The following MUS81 variants were observed in gnomAD, a reference collection of about 807,000 sequenced individuals.
MUS81 encodes structure-specific endonuclease subunit MUS81.
In MUS81, 69 loss-of-function variants were observed where a neutral mutation model predicts 74.2. The observed-to-expected ratio is 0.93, with a 90% CI of 0.77 to 1.14. The LOEUF (loss-of-function observed/expected upper bound fraction) is 1.14, where lower values mean the gene tolerates loss of function less well. MUS81 is among the 50% of genes most tolerant of loss of function. MUS81 has a pLI of 0.00. For missense variants in MUS81, 711 were observed against 726.5 expected (o/e 0.98, Z 0.25); for synonymous variants, 303 against 300.6 (o/e 1.01, Z -0.08).
At chr11:65,867,050 G>A, downstream of MUS81, 4 of 1,614,174 alleles carry the variant, frequency 2.5e-6, no homozygotes, top group Non-Finnish European at 3.4e-6. Context: ...GCCGGGCGAG[G>A]ACCAGCATGG....
chr11:65,859,784 G>C (rs549919223), upstream of MUS81, among the ~76,000 whole-genome samples: 1 of 152,332 alleles, frequency 6.6e-6, no homozygotes, highest in Non-Finnish European at 1.5e-5. Flanking sequence ...AGGCTTCTCA[G>C]GTTGAAGCCC....
Position 65,860,987 on chromosome 11 carries a change from C to A in MUS81, c.150C>A (p.Leu50=). ...TGCCCGGCCAGGCGCTGCGTTCCCT[C>A]CGACGGTACCCACTGCCGCTGCGCA... ...RFVFQKALRS[L]RRYPLPLRSG... is the part of the protein sequence containing the mutation. Residue 50 remains leucine (L), a synonymous_variant, in exon 2 of 16, where the codon CTC becomes CTA. Coordinates refer to ENST00000308110, the MANE Select transcript of MUS81 (RefSeq NM_025128.5). 1 of 1,612,136 alleles carries A rather than the reference C, an allele frequency of 6.2e-7. No individual in the cohort carries two copies. The highest frequency in any genetic ancestry group is 1.3e-5 in the African/African-American group (1 of 75,070).
intron 3 of MUS81, 94 bp downstream of exon 3, chr11:65,861,529 C>T (rs1476805124): frequency 2.0e-6 from 2 of 1,020,732 alleles, no homozygotes; most frequent in Admixed American, 2.3e-5. Context: ...GTCCAAATCT[C>T]ACCAGTGATG....
At position 65,860,666 on chromosome 11, in the gene MUS81, CT is replaced by C; in HGVS notation, c.-87del. 6.6e-7 allele frequency: 1 copy of C among 1,521,218 alleles called. No individual in the cohort carries two copies. The allele number at this position is 1,521,218 out of a possible 1,614,324, so 94.2% of individuals were successfully genotyped here. A position where few individuals can be genotyped will look rare whatever the true frequency, so the allele number is the denominator to read the frequency against. On this transcript the variant is annotated 5_prime_UTR_variant, in exon 1 of 16. Coordinates refer to ENST00000308110, the MANE Select transcript of MUS81 (RefSeq NM_025128.5). Reference sequence around the variant, plus strand: ...GGTCTCCCTCTTCCCCCGCCCCGCCCTGGGCCAGGTGTTCGAATCCCGACTC... The same window carrying C: ...GGTCTCCCTCTTCCCCCGCCCCGCCCGGGCCAGGTGTTCGAATCCCGACTC...
intron 10 of MUS81, 30 bp from the exon 11 acceptor site, chr11:65,864,467 C>T (rs1262408085): frequency 3.1e-6 from 5 of 1,591,270 alleles, no homozygotes; most frequent in Non-Finnish European, 4.3e-6. Flanking sequence ...CCAGCCTGAC[C>T]CTCCCTGTCC....
chr11:65,861,279 T>G (rs1211271264), intron 2 of MUS81, 71 bp from the exon 3 acceptor site: 8 of 1,528,066 alleles, frequency 5.2e-6, no homozygotes, highest in Non-Finnish European at 5.3e-6. Flanking sequence ...ACCATCTGAG[T>G]AGGTTGCATC....
intron 6 of MUS81, 51 bp from the exon 7 acceptor site, chr11:65,863,014 G>T (rs2298448): frequency 6.2e-7 from 1 of 1,612,164 alleles, no homozygotes; most frequent in Non-Finnish European, 8.5e-7. Flanking sequence ...AGGAAAGCCT[G>T]CCAGGAATGA....
chr11:65,861,227 A>T, intron 2 of MUS81, 123 bp from the exon 3 acceptor site: 1 of 1,550,916 alleles, frequency 6.4e-7, no homozygotes, highest in Middle Eastern at 1.7e-4. Context: ...GCCTAGGGCT[A>T]GTGGCTGGCG....
intron 6 of MUS81, 53 bp downstream of exon 6, chr11:65,862,582 G>T: frequency 6.5e-7 from 1 of 1,531,380 alleles, no homozygotes; most frequent in Non-Finnish European, 9.0e-7. Context: ...TCTTAGTAGG[G>T]CCTTAGAGTC....
rs1859835361 is a variant in MUS81, at chr11:65,866,333, AG to A, written c.*282del. The A allele has an allele frequency of 3.3e-6, 2 of 603,358 alleles. No individual in the cohort carries two copies. Among genetic ancestry groups the A allele is most frequent in the African/African-American group, 1.9e-5 (1 of 54,042 alleles). 37.4% of individuals were successfully genotyped at this position (603,358 alleles called of 1,614,324 possible). A position where few individuals can be genotyped will look rare whatever the true frequency, so the allele number is the denominator to read the frequency against. On this transcript the variant is annotated 3_prime_UTR_variant, in exon 16 of 16. Coordinates refer to ENST00000308110, the MANE Select transcript of MUS81 (RefSeq NM_025128.5). ...AGCTTGGAATCTATTTTATGTCACC[AG>A]TTGGTCCTCATCAAATAAAATTTCC... is the stretch of plus-strand genomic sequence containing the variant.
At position 65,863,631 on chromosome 11, in the gene MUS81, C is replaced by CT. The variant is rs1386702482; in HGVS notation, c.872dup (p.Gln292ThrfsTer27). 2 of 1,613,896 alleles carry CT rather than the reference C, an allele frequency of 1.2e-6. No individual in the cohort carries two copies. Among genetic ancestry groups the CT allele is most frequent in the Non-Finnish European group, 8.5e-7 (1 of 1,179,994 alleles). On this transcript the variant is annotated frameshift_variant, in exon 9 of 16. Coordinates refer to ENST00000308110, the MANE Select transcript of MUS81 (RefSeq NM_025128.5). LOFTEE classifies it high-confidence loss of function. The stretch of plus-strand genomic sequence containing the variant: ...GCACAGGCCGGAGCTGCTCCGAGAG[C>CT]TACAGCGGCTGCACGTGACCCACAC...
Position 65,861,695 on chromosome 11 carries a change from T to C in MUS81, c.352-252T>C, listed in dbSNP as rs377325077. On this transcript the variant is annotated intron_variant, in intron 3 of 15. Coordinates refer to ENST00000308110, the MANE Select transcript of MUS81 (RefSeq NM_025128.5). Reference sequence around the variant, plus strand: ...GGGTCACCATTATTGAGTTTTCCTGTCTAATTACACCTGTCCTGCAGCGCA... The same window carrying C: ...GGGTCACCATTATTGAGTTTTCCTGCCTAATTACACCTGTCCTGCAGCGCA... 15 of 600,550 alleles carry C rather than the reference T, an allele frequency of 2.5e-5. No individual in the cohort carries two copies. In the East Asian group the frequency reaches 2.8e-4, roughly 11 times the overall value. 37.2% of individuals were successfully genotyped at this position (600,550 alleles called of 1,614,324 possible).
In MUS81 at chr11:65,861,410, C is replaced by G; in HGVS notation, c.326C>G (p.Ala109Gly). 1.2e-6 allele frequency: 2 copies of G among 1,604,012 alleles called. No homozygotes were observed. Among genetic ancestry groups the G allele is most frequent in the Non-Finnish European group, 1.7e-6 (2 of 1,174,426 alleles). Residue 109 changes from alanine to glycine, a missense_variant, in exon 3 of 16, where the codon GCG (alanine) becomes GGG (glycine). Coordinates refer to ENST00000308110, the MANE Select transcript of MUS81 (RefSeq NM_025128.5). ...AGTCCAGCCCCGCAGGGGCGACTTG[C>G]GGAAGTCCAGGACTCTTCCATGCCA... is the stretch of plus-strand genomic sequence containing the variant. Reference protein sequence around the residue: ...ENSPAPQGRLAEVQDSSMPVP... With the variant: ...ENSPAPQGRLGEVQDSSMPVP...
In MUS81 at chr11:65,864,534, AC is replaced by A. The variant is rs1296381390; in HGVS notation, c.1099del (p.Leu367TrpfsTer33). 6.2e-7 allele frequency: 1 copy of A among 1,614,120 alleles called. No individual in the cohort carries two copies. The highest frequency in any genetic ancestry group is 2.2e-5 in the East Asian group (1 of 44,876). ...CGCTGTGGTCTGGAGCGCCGGGTAT[AC>A]CTGGTGGAAGAGCATGGTTCCGTCC... is the stretch of plus-strand genomic sequence containing the variant. ...LKRCGLERRV[Y>X]LVEEHGSVHN... On this transcript the variant is annotated frameshift_variant, in exon 11 of 16. Transcript: ENST00000308110. LOFTEE classifies it high-confidence loss of function.
At chr11:65,862,935 C>G in intron 6 of MUS81, 130 bp from the exon 7 acceptor site, 1 of 1,146,802 alleles carries the variant, frequency 8.7e-7, no homozygotes, top group South Asian at 1.3e-5. Context: ...CCAGGAGGAG[C>G]AGGAGCCACT....
rs142672234 is a variant in MUS81, at chr11:65,862,195, T to C, written c.451-16T>C. On this transcript the variant is annotated splice_polypyrimidine_tract_variant and intron_variant, in intron 4 of 15. Coordinates refer to ENST00000308110, the MANE Select transcript of MUS81 (RefSeq NM_025128.5). ...CTGGCACTGAGCCTACCCTGTCTTTTCTACCTTGGTTTCAGAATCCTAATG... is the reference window on the plus strand; with the variant it reads ...CTGGCACTGAGCCTACCCTGTCTTTCCTACCTTGGTTTCAGAATCCTAATG... 4.9e-5 allele frequency: 79 copies of C among 1,613,182 alleles called. No individual in the cohort carries two copies. In the East Asian group the frequency reaches 1.6e-3, roughly 34 times the overall value.
At chr11:65,865,469 C>A in intron 14 of MUS81, 146 bp downstream of exon 14, 3 of 862,594 alleles carry the variant, frequency 3.5e-6, no homozygotes, top group Non-Finnish European at 5.2e-6. Context: ...TCGTGGAGGT[C>A]AAGTGGGGAG....
At chr11:65,860,168 G>A, upstream of MUS81, 1 of 438,730 alleles carries the variant, frequency 2.3e-6, no homozygotes, top group South Asian at 1.6e-5. Flanking sequence ...CCTCATCCCC[G>A]GCACCCATTT....
chr11:65,867,435 G>A (rs1422386917), downstream of MUS81: 5 of 436,112 alleles, frequency 1.1e-5, no homozygotes, highest in East Asian at 2.4e-4. Context: ...GAAAGAGAAG[G>A]GCTGGTACTA....
Sources: allele counts gnomAD v4.1 joint callset (sites outside exome capture counted in the v4.1 genomes callset), GRCh38; gene constraint gnomAD v4.1.1; transcripts MANE v1.5; gene names NCBI Gene and HGNC (gene_info 2026-07-23, HGNC 2026-07-21).